FBXW7: variants seen among roughly 807,000 people sequenced by gnomAD.
FBXW7 encodes the protein F-box/WD repeat-containing protein 7.
In FBXW7, 11 loss-of-function variants were observed where a neutral mutation model predicts 86.3. That is an observed-to-expected ratio of 0.13 (90% CI 0.08 to 0.21). The LOEUF (loss-of-function observed/expected upper bound fraction) is 0.21, where lower values mean the gene tolerates loss of function less well. Among genes scored for constraint, FBXW7 ranks in the 10% least tolerant of loss-of-function variants. FBXW7 has a pLI of 1.00. For synonymous variants in FBXW7, 313 were observed against 297.9 expected, an observed-to-expected ratio of 1.05 and a Z score of -0.52; for missense variants, 488 against 847.4, an observed-to-expected ratio of 0.58 and a Z score of 5.27.
chr4:152,355,125 C>T (rs747010957), intron 4 of FBXW7, among the ~76,000 whole-genome samples: 4 of 152,034 alleles, frequency 2.6e-5, no homozygotes, highest in South Asian at 2.1e-4. Flanking sequence ...CATTCTCTGA[C>T]GTACTATCAA....
chr4:152,418,009 T>TTAA (rs1738602121), intron 2 of FBXW7, among the ~76,000 whole-genome samples: 1 of 152,142 alleles, frequency 6.6e-6, no homozygotes, highest in Admixed American at 6.6e-5. Context: ...AACATCTGTG[T>TTAA]TAAGAGTACT....
chr4:152,478,151 T>C (rs925880912), intron 2 of FBXW7, among the ~76,000 whole-genome samples: 54 of 152,248 alleles, frequency 3.5e-4, no homozygotes, highest in African/African-American at 1.3e-3. Flanking sequence ...CAGAATGTTG[T>C]ACAATTATCA....
At chr4:152,526,423 C>T (rs1405943392) in intron 2 of FBXW7, among the ~76,000 whole-genome samples, 8 of 151,910 alleles carry the variant, frequency 5.3e-5, no homozygotes, top group Non-Finnish European at 1.2e-4. Context: ...ATGCCCTACT[C>T]GAAGAAAAGG....
In FBXW7 at chr4:152,430,764, A is replaced by G. The variant is rs1039920454; in HGVS notation, c.-119-18235T>C. Among the ~76,000 whole-genome samples the G allele has an allele frequency of 3.9e-5, 6 of 152,276 alleles. No homozygotes were observed. The East Asian group carries it at 1.2e-3, about 29-fold the overall frequency. ...TGACTGGTTTCTATTTTAGTTATGT[A>G]ACTTTCAGAAATTTTCTTATCTATA... On this transcript the variant is annotated intron_variant, in intron 2 of 13. Coordinates refer to ENST00000281708, the MANE Select transcript of FBXW7 (RefSeq NM_001349798.2).
chr4:152,524,316 A>G (rs1303120313), intron 2 of FBXW7, among the ~76,000 whole-genome samples: 1 of 152,196 alleles, frequency 6.6e-6, no homozygotes, highest in African/African-American at 2.4e-5. Context: ...TAGAATTATA[A>G]GCACCCCTCT....
chr4:152,469,211 T>C (rs534412817), intron 2 of FBXW7, among the ~76,000 whole-genome samples: 1 of 152,216 alleles, frequency 6.6e-6, no homozygotes, highest in Non-Finnish European at 1.5e-5. Context: ...CATTATGCAA[T>C]GTCTCAGCAC....
At chr4:152,460,091 C>T (rs1188635529) in intron 2 of FBXW7, among the ~76,000 whole-genome samples, 1 of 152,204 alleles carries the variant, frequency 6.6e-6, no homozygotes, top group Non-Finnish European at 1.5e-5. Context: ...GTGAATGCAA[C>T]TGTGCCACCA....
chr4:152,436,231 C>T (rs1300847189), intron 2 of FBXW7, among the ~76,000 whole-genome samples: 1 of 152,218 alleles, frequency 6.6e-6, no homozygotes, highest in East Asian at 1.9e-4. Context: ...GTGAAATAGC[C>T]TTATTGTTGA....
At chr4:152,484,031 C>G (rs1322845563) in intron 2 of FBXW7, among the ~76,000 whole-genome samples, 1 of 152,106 alleles carries the variant, frequency 6.6e-6, no homozygotes, top group African/African-American at 2.4e-5. Flanking sequence ...ATTAATTTTA[C>G]AGACTAGAAC....
chr4:152,398,032 T>C (rs1381829955), intron 4 of FBXW7, among the ~76,000 whole-genome samples: 1 of 152,008 alleles, frequency 6.6e-6, no homozygotes, highest in Non-Finnish European at 1.5e-5. Flanking sequence ...TATCTCTTTT[T>C]GTTGTTACTA....
chr4:152,387,068 T>C (rs920813496), intron 4 of FBXW7, among the ~76,000 whole-genome samples: 9 of 152,206 alleles, frequency 5.9e-5, no homozygotes, highest in Admixed American at 5.2e-4. Flanking sequence ...CCATTTTTCA[T>C]AAATTATTCC....
chr4:152,528,519 GA>G (rs1463878484), intron 2 of FBXW7, among the ~76,000 whole-genome samples: 2 of 152,120 alleles, frequency 1.3e-5, no homozygotes, highest in Non-Finnish European at 2.9e-5. Context: ...GAACACCTCA[GA>G]AAAATTTAGT....
intron 2 of FBXW7, among the ~76,000 whole-genome samples, chr4:152,505,427 G>T (rs549826183): frequency 2.3e-3 from 346 of 152,000 alleles, no homozygotes; most frequent in Non-Finnish European, 3.8e-3. Flanking sequence ...TGCCTGTTTT[G>T]TAATAACACT....
chr4:152,479,999 T>C (rs1339576340), intron 2 of FBXW7, among the ~76,000 whole-genome samples: 3 of 152,286 alleles, frequency 2.0e-5, no homozygotes, highest in East Asian at 1.9e-4. Context: ...CTTTTCTTCT[T>C]ATCTCTCTGG....
At chr4:152,356,255 CAA>C (rs1732377296) in intron 4 of FBXW7, among the ~76,000 whole-genome samples, 3 of 151,976 alleles carry the variant, frequency 2.0e-5, no homozygotes, top group Admixed American at 1.3e-4. Context: ...TGATACAAAA[CAA>C]ATAATTAATA....
intron 2 of FBXW7, among the ~76,000 whole-genome samples, chr4:152,438,099 G>A (rs1381109794): frequency 1.3e-5 from 2 of 152,110 alleles, no homozygotes; most frequent in Admixed American, 1.3e-4. Context: ...GCTTGAACCT[G>A]AGAGGCGGAG....
intron 7 of FBXW7, 62 bp from the exon 8 acceptor site, chr4:152,332,781 GTTAA>G (rs1263264645): frequency 9.9e-6 from 8 of 806,058 alleles, no homozygotes; most frequent in African/African-American, 1.9e-5. Flanking sequence ...TATATAATAA[GTTAA>G]TTATTCTCCA....
At chr4:152,361,792 C>G (rs1016539247) in intron 4 of FBXW7, among the ~76,000 whole-genome samples, 1 of 151,666 alleles carries the variant, frequency 6.6e-6, no homozygotes, top group Non-Finnish European at 1.5e-5. Flanking sequence ...AGAGTGAAAC[C>G]CCGACTCTAC....
chr4:152,365,191 C>T (rs770526123), intron 4 of FBXW7, among the ~76,000 whole-genome samples: 12 of 152,032 alleles, frequency 7.9e-5, no homozygotes, highest in Admixed American at 2.0e-4. Context: ...AGCTAGAGGA[C>T]ACTGAACAGA....
Sources: gnomAD v4.1 joint callset for allele counts (sites outside exome capture counted in the v4.1 genomes callset) on GRCh38, gnomAD v4.1.1 for gene constraint, MANE v1.5 for transcripts, NCBI Gene and HGNC (gene_info 2026-07-23, HGNC 2026-07-21) for gene names.